IL11: variants seen among roughly 807,000 people sequenced by gnomAD.
The protein encoded by IL11 is interleukin 11.
In IL11, 17 loss-of-function variants were observed where a neutral mutation model predicts 18.1. That is an observed-to-expected ratio of 0.94 (90% CI 0.64 to 1.41). IL11 has a LOEUF of 1.41. IL11 is among the 40% of genes most tolerant of loss of function. The pLI is 0.00. For synonymous variants in IL11, 144 were observed against 134.1 expected, an observed-to-expected ratio of 1.07 and a Z score of -0.51; for missense variants, 309 against 262.8, an observed-to-expected ratio of 1.18 and a Z score of -1.22.
chr19:55,368,299 C>A lies in IL11; in HGVS notation c.340G>T (p.Ala114Ser). 1.9e-6 allele frequency: 3 copies of A among 1,577,648 alleles called. No homozygotes were observed. Among genetic ancestry groups the A allele is most frequent in the South Asian group, 1.2e-5 (1 of 86,552 alleles). ...YLRHVQWLRR[A>S]GGSSLKTLEP... Reference sequence around the variant, plus strand: ...AGGGTCTTCAGGGAAGAGCCACCTGCCCGGCGCAGCCACTGCACGTGCCGC... The same window carrying A: ...AGGGTCTTCAGGGAAGAGCCACCTGACCGGCGCAGCCACTGCACGTGCCGC... The change falls in exon 4 of 5, where the codon GCA becomes TCA. Residue 114 changes from alanine to serine, a missense_variant. Physicochemically the swap from Ala to Ser is moderately conservative, Grantham distance 99 (BLOSUM62 1). Coordinates refer to ENST00000264563, the MANE Select transcript of IL11 (RefSeq NM_000641.4).
intron 3 of IL11, 29 bp from the exon 4 acceptor site, chr19:55,368,400 CACCCG>C: frequency 6.3e-7 from 1 of 1,587,542 alleles, no homozygotes; most frequent in Non-Finnish European, 8.6e-7. Context: ...CATCAGAGAA[CACCCG>C]ACCAGTGCCC....
rs900014119 is a variant in IL11 at position 55,370,370 on chromosome 19, C to G, written c.-60G>C. ...GGCAGGGAGCCGGGGGCCTTTAACC[C>G]TTCCCTGTCCGCTGCCGGGGGAGCC... On this transcript the variant is annotated 5_prime_UTR_variant, in exon 1 of 5. Coordinates refer to ENST00000264563, the MANE Select transcript of IL11 (RefSeq NM_000641.4). The G allele has an allele frequency of 1.8e-5, 24 of 1,351,408 alleles. No homozygotes were observed. In the Admixed American group the frequency reaches 3.2e-4, roughly 18 times the overall value. The allele number at this position is 1,351,408 out of a possible 1,614,324, so 83.7% of individuals were successfully genotyped here. A position where few individuals can be genotyped will look rare whatever the true frequency, so the allele number is the denominator to read the frequency against.
rs1438926177 is a variant in IL11, at chr19:55,370,353, G to T, written c.-43C>A. ...GGTTCCCCAGGGCAGGGGGCAGGGA[G>T]CCGGGGGCCTTTAACCCTTCCCTGT... On this transcript the variant is annotated 5_prime_UTR_variant, in exon 1 of 5. Transcript: ENST00000264563. 7.1e-7 allele frequency: 1 copy of T among 1,398,856 alleles called. No individual in the cohort carries two copies. Among genetic ancestry groups the T allele is most frequent in the South Asian group, 1.6e-5 (1 of 63,310 alleles). The allele number at this position is 1,398,856 out of a possible 1,614,324, so 86.7% of individuals were successfully genotyped here.
rs764519258 is a variant in IL11 at position 55,368,839 on chromosome 19, G to A, written c.110C>T (p.Ala37Val). Residue 37 changes from alanine (A) to valine (V), a missense_variant, in exon 2 of 5, where the codon GCC becomes GTC. Coordinates refer to ENST00000264563, the MANE Select transcript of IL11 (RefSeq NM_000641.4). Reference protein sequence around the residue: ...GPPRVSPDPRAELDSTVLLTR... With the variant: ...GPPRVSPDPRVELDSTVLLTR... ...CAGGAGCACGGTGCTGTCCAGCTCG[G>A]CCCGAGGGTCTGGGGAAACTCGAGG... 5.7e-6 allele frequency: 9 copies of A among 1,589,498 alleles called. No individual in the cohort carries two copies. Among genetic ancestry groups the A allele is most frequent in the Admixed American group, 3.6e-5 (2 of 55,592 alleles).
chr19:55,368,730 C>G (rs1384529676), intron 2 of IL11, 39 bp downstream of exon 2: 5 of 1,540,114 alleles, frequency 3.2e-6, no homozygotes, highest in Non-Finnish European at 4.4e-6. Flanking sequence ...TCCTCTCTGC[C>G]TCTCACTCCT....
At position 55,366,136 on chromosome 19, in the gene IL11, C is replaced by T. The variant is rs560826448; in HGVS notation, c.471G>A (p.Pro157=). The T allele has an allele frequency of 2.8e-5, 42 of 1,515,180 alleles. No homozygotes were observed. The South Asian group carries it at 2.8e-4, about 10-fold the overall frequency. 93.9% of individuals were successfully genotyped at this position (1,515,180 alleles called of 1,614,324 possible). A position where few individuals can be genotyped will look rare whatever the true frequency, so the allele number is the denominator to read the frequency against. The part of the protein sequence containing the change: ...LALPQPPPDP[P]APPLAPPSSA... Reference sequence around the variant, plus strand: ...AGGAGGGGGGCGCCAGCGGGGGCGCCGGCGGGTCCGGGGGTGGCTGGGGCA... The same window carrying T: ...AGGAGGGGGGCGCCAGCGGGGGCGCTGGCGGGTCCGGGGGTGGCTGGGGCA... The change falls in exon 5 of 5, where the codon CCG becomes CCA. Residue 157 remains proline (P), a synonymous_variant. Coordinates refer to ENST00000264563, the MANE Select transcript of IL11 (RefSeq NM_000641.4). The surrounding 1 kb of genome is among the most constrained non-coding windows in gnomAD (Gnocchi z 4.6).
chr19:55,368,813 T>TCCGC lies in IL11; in HGVS notation c.135_136insGCGG (p.Thr46AlafsTer23). 6.3e-7 allele frequency: 1 copy of TCCGC among 1,593,052 alleles called. No individual in the cohort carries two copies. The highest frequency in any genetic ancestry group is 8.5e-7 in the Non-Finnish European group (1 of 1,170,790). Reference sequence around the variant, plus strand: ...CGCGTGTCCGCCAGGAGAGAGCGGGTCAGGAGCACGGTGCTGTCCAGCTCG... The same window carrying TCCGC: ...CGCGTGTCCGCCAGGAGAGAGCGGGTCCGCCAGGAGCACGGTGCTGTCCAGCTCG... On this transcript the variant is annotated frameshift_variant, in exon 2 of 5. Transcript: ENST00000264563. LOFTEE classifies it high-confidence loss of function.
rs868858135 is a variant in IL11, at chr19:55,369,662, G to C, written c.7+642C>G. Among the ~76,000 whole-genome samples the C allele has an allele frequency of 7.0e-6, 1 of 142,368 alleles. No individual in the cohort carries two copies. Among genetic ancestry groups the C allele is most frequent in the Non-Finnish European group, 1.5e-5 (1 of 65,100 alleles). 93.4% of individuals were successfully genotyped at this position (142,368 alleles called of 152,430 possible). ...CGGGGGGCGCGGGGGTCCGGAGCTC[G>C]CTCCCCGCAGCCCACCCCGGCCGCC... On this transcript the variant is annotated intron_variant, in intron 1 of 4. Transcript: ENST00000264563. The surrounding 1 kb of genome is among the most constrained non-coding windows in gnomAD (Gnocchi z 6.1).
Position 55,370,324 on chromosome 19 carries a change from C to T in IL11, c.-14G>A, listed in dbSNP as rs1462615470. ...CTTACAGTTCATGTCCCCACAGGGC[C>T]AGGGGTTCCCCAGGGCAGGGGGCAG... On this transcript the variant is annotated 5_prime_UTR_variant, in exon 1 of 5. Transcript: ENST00000264563. The T allele has an allele frequency of 3.5e-6, 5 of 1,441,958 alleles. No homozygotes were observed. In the South Asian group the frequency reaches 5.7e-5, roughly 16 times the overall value. The allele number at this position is 1,441,958 out of a possible 1,614,324, so 89.3% of individuals were successfully genotyped here.
chr19:55,370,211 G>A, intron 1 of IL11, 93 bp downstream of exon 1: 1 of 966,586 alleles, frequency 1.0e-6, no homozygotes, highest in East Asian at 2.8e-5. Context: ...GTCCCTCTCT[G>A]TGCGACTCAG....
chr19:55,367,450 C>CTTTTTT (rs980514763), intron 4 of IL11, among the ~76,000 whole-genome samples: 34 of 69,806 alleles, frequency 4.9e-4, no homozygotes, highest in South Asian at 1.5e-3. Flanking sequence ...TCTTTTCCTT[C>CTTTTTT]TTTTTTTTTT....
rs1362559161 is a variant in IL11 at position 55,366,097 on chromosome 19, GC to G, written c.509del (p.Gly170AlafsTer14). The G allele has an allele frequency of 5.7e-6, 9 of 1,573,022 alleles. No homozygotes were observed. Among genetic ancestry groups the G allele is most frequent in the African/African-American group, 2.7e-5 (2 of 73,698 alleles). ...CCAGGATGGCGTGGGCGGCCCTGAT[GC>G]CCCCCCAGGCTGAGGAGGGGGGCGC... Reference protein sequence around the residue: ...PLAPPSSAWGGIRAAHAILGG... With the variant: ...PLAPPSSAWGXIRAAHAILGG... On this transcript the variant is annotated frameshift_variant, in exon 5 of 5. Coordinates refer to ENST00000264563, the MANE Select transcript of IL11 (RefSeq NM_000641.4). LOFTEE classifies it high-confidence loss of function. The surrounding 1 kb of genome is among the most constrained non-coding windows in gnomAD (Gnocchi z 4.6).
rs922817696 is a variant in IL11, at chr19:55,369,091, T to C, written c.8-150A>G. ...AGGAGAGGCTGGGGGCCTGGACTCCTAGGTCTGAGGGAGGAAGGCCTGGGG... is the reference window on the plus strand; with the variant it reads ...AGGAGAGGCTGGGGGCCTGGACTCCCAGGTCTGAGGGAGGAAGGCCTGGGG... On this transcript the variant is annotated intron_variant, in intron 1 of 4. Transcript: ENST00000264563. The surrounding 1 kb of genome is among the most constrained non-coding windows in gnomAD (Gnocchi z 6.1). 1.7e-6 allele frequency: 1 copy of C among 600,510 alleles called. No homozygotes were observed. The highest frequency in any genetic ancestry group is 2.9e-5 in the African/African-American group (1 of 33,990). 37.2% of individuals were successfully genotyped at this position (600,510 alleles called of 1,614,324 possible).
chr19:55,368,894 C>G lies in IL11; in HGVS notation c.55G>C (p.Ala19Pro). The change falls in exon 2 of 5, where the codon GCT (alanine) becomes CCT (proline). Residue 19 changes from alanine to proline, a missense_variant. Physicochemically the swap from Ala to Pro is conservative, Grantham distance 27. Coordinates refer to ENST00000264563, the MANE Select transcript of IL11 (RefSeq NM_000641.4). ...CCAGGTGGTGGCCCAGGGGCGACAG[C>G]TGTATCTGGCCACAGGCTCAGCACG... ...LVVLSLWPDT[A>P]VAPGPPPGPP... The G allele has an allele frequency of 6.4e-7, 1 of 1,561,128 alleles. No individual in the cohort carries two copies. Among genetic ancestry groups the G allele is most frequent in the Non-Finnish European group, 8.7e-7 (1 of 1,152,290 alleles).
intron 2 of IL11, 26 bp downstream of exon 2, chr19:55,368,743 G>A: frequency 6.4e-7 from 1 of 1,556,304 alleles, no homozygotes; most frequent in Non-Finnish European, 8.7e-7. Context: ...TCACTCCTGT[G>A]CTGGCCCCAG....
In IL11 at chr19:55,365,117, ATCACCTGAGG is replaced by A. The variant is rs1003164805; in HGVS notation, c.*880_*889del. ...CACTTTGGGAGGCCGAGGCAGGAGG[ATCACCTGAGG>A]TCAGGAGTTCGAAACCAGCCTGGCC... On this transcript the variant is annotated 3_prime_UTR_variant, in exon 5 of 5. Transcript: ENST00000264563. 2 of 152,138 alleles carry A rather than the reference ATCACCTGAGG, an allele frequency of 1.3e-5. No homozygotes were observed. Among genetic ancestry groups the A allele is most frequent in the African/African-American group, 4.8e-5 (2 of 41,416 alleles). The allele number at this position is 152,138 out of a possible 1,614,324, so 9.4% of individuals were successfully genotyped here. A position where few individuals can be genotyped will look rare whatever the true frequency, so the allele number is the denominator to read the frequency against.
In IL11 at chr19:55,368,384, C is replaced by A. The variant is rs1569032260; in HGVS notation, c.268-13G>T. The A allele has an allele frequency of 6.3e-7, 1 of 1,591,360 alleles. No individual in the cohort carries two copies. The highest frequency in any genetic ancestry group is 1.1e-5 in the South Asian group (1 of 89,400). Reference sequence around the variant, plus strand: ...GCACACCTGGGAGCTGGGGATAGAGCCGGGACATCAGAGAACACCCGACCA... The same window carrying A: ...GCACACCTGGGAGCTGGGGATAGAGACGGGACATCAGAGAACACCCGACCA... On this transcript the variant is annotated splice_polypyrimidine_tract_variant and intron_variant, in intron 3 of 4. Coordinates refer to ENST00000264563, the MANE Select transcript of IL11 (RefSeq NM_000641.4).
chr19:55,366,114 AG>A lies in IL11; in HGVS notation c.492del (p.Ser165ProfsTer19). ...GCCCTGATGCCCCCCCAGGCTGAGG[AG>A]GGGGGCGCCAGCGGGGGCGCCGGCG... is the stretch of plus-strand genomic sequence containing the variant. ...PDPPAPPLAP[P>X]SSAWGGIRAA... On this transcript the variant is annotated frameshift_variant, in exon 5 of 5. Transcript: ENST00000264563. LOFTEE classifies it high-confidence loss of function. The surrounding 1 kb of genome is among the most constrained non-coding windows in gnomAD (Gnocchi z 4.6). 6.5e-7 allele frequency: 1 copy of A among 1,549,992 alleles called. No homozygotes were observed. The highest frequency in any genetic ancestry group is 8.7e-7 in the Non-Finnish European group (1 of 1,149,544).
Position 55,369,440 on chromosome 19 carries a change from AAGGAGCCAGAAGCC to A in IL11, c.8-513_8-500del, listed in dbSNP as rs932829768. On this transcript the variant is annotated intron_variant, in intron 1 of 4. Coordinates refer to ENST00000264563, the MANE Select transcript of IL11 (RefSeq NM_000641.4). This position sits in a 1 kb window ranked among gnomAD's most constrained non-coding sequence, Gnocchi z 6.1. Reference sequence around the variant, plus strand: ...AGCCCGAGCTGGCTGGGAGCAGGGGAAGGAGCCAGAAGCCAGGACGGAGCCCGGGAGACACGGAC... The same window carrying A: ...AGCCCGAGCTGGCTGGGAGCAGGGGAAGGACGGAGCCCGGGAGACACGGAC... Among the ~76,000 whole-genome samples, 1 of 150,016 alleles carries A rather than the reference AAGGAGCCAGAAGCC, an allele frequency of 6.7e-6. No individual in the cohort carries two copies. Among genetic ancestry groups the A allele is most frequent in the African/African-American group, 2.5e-5 (1 of 40,608 alleles).
Sources: gnomAD v4.1 joint callset for allele counts (sites outside exome capture counted in the v4.1 genomes callset) on GRCh38, gnomAD v4.1.1 for gene constraint, Gnocchi (gnomAD v3.1) non-coding constraint, MANE v1.5 for transcripts, NCBI Gene and HGNC (gene_info 2026-07-23, HGNC 2026-07-21) for gene names.